The following RTN4IP1 variants were observed in gnomAD, a reference collection of about 807,000 sequenced individuals.
The protein encoded by RTN4IP1 is NAD(P)H oxidoreductase RTN4IP1, mitochondrial.
In RTN4IP1, 32 loss-of-function variants were observed where a neutral mutation model predicts 46.6. That is an observed-to-expected ratio of 0.69 (90% CI 0.52 to 0.92). The LOEUF (loss-of-function observed/expected upper bound fraction) is 0.92. Among genes scored for constraint, RTN4IP1 ranks in the 40% least tolerant of loss-of-function variants. The pLI is 0.00. For missense variants in RTN4IP1, 424 were observed against 485.8 expected (o/e 0.87, Z 1.20); for synonymous variants, 167 against 161.8 (o/e 1.03, Z -0.24).
At chr6:106,588,028 G>T (rs1294028310) in intron 6 of RTN4IP1, among the ~76,000 whole-genome samples, 166 bp from the exon 7 acceptor site, 2 of 152,206 alleles carry the variant, frequency 1.3e-5, no homozygotes, top group East Asian at 1.9e-4. Context: ...GATGGAGATG[G>T]AAGGACATAC....
chr6:106,622,666 T>C (rs1301061385), intron 2 of RTN4IP1, 152 bp downstream of exon 2: 1 of 733,188 alleles, frequency 1.4e-6, no homozygotes, highest in Non-Finnish European at 2.2e-6. Flanking sequence ...ACTTTGTCAG[T>C]TTAGGGGGCA....
chr6:106,591,125 ATTCTTT>A (rs1398235948), intron 6 of RTN4IP1, among the ~76,000 whole-genome samples: 1 of 152,228 alleles, frequency 6.6e-6, no homozygotes, highest in African/African-American at 2.4e-5. Flanking sequence ...TCAGTGAGGC[ATTCTTT>A]AACCTTGCTA....
intron 5 of RTN4IP1, among the ~76,000 whole-genome samples, chr6:106,594,445 G>A (rs979086137): frequency 2.0e-5 from 3 of 152,090 alleles, no homozygotes; most frequent in South Asian, 2.1e-4. Flanking sequence ...CGGGGGTGGA[G>A]GTTGCAGTAA....
chr6:106,613,196 G>A (rs140739225), intron 4 of RTN4IP1, among the ~76,000 whole-genome samples: 2 of 151,920 alleles, frequency 1.3e-5, no homozygotes, highest in African/African-American at 4.8e-5. Flanking sequence ...ATACTTGTTT[G>A]GGGTTTAGTG....
At chr6:106,629,641 C>G (rs761223504), upstream of RTN4IP1, 13 of 1,585,976 alleles carry the variant, frequency 8.2e-6, no homozygotes, top group South Asian at 2.3e-5. Context: ...TCTTTTTCCC[C>G]CTTGCCTGGC....
At chr6:106,582,671 G>A (rs564297584) in intron 8 of RTN4IP1, among the ~76,000 whole-genome samples, 1 of 152,272 alleles carries the variant, frequency 6.6e-6, no homozygotes, top group East Asian at 1.9e-4. Context: ...GAGATGGGAT[G>A]TCAAGGTGGT....
In RTN4IP1 at chr6:106,623,769, AT is replaced by A. The variant is rs1390836588; in HGVS notation, c.275-801del. Among the ~76,000 whole-genome samples the A allele has an allele frequency of 5.9e-5, 9 of 152,340 alleles. No individual in the cohort carries two copies. The East Asian group carries it at 1.7e-3, about 29-fold the overall frequency. On this transcript the variant is annotated intron_variant, in intron 1 of 8. Coordinates refer to ENST00000369063, the MANE Select transcript of RTN4IP1 (RefSeq NM_032730.5). ...TTGAAGATGATGTCTTTATTAACGT[AT>A]TCATGTCTTTATTAACGTACTCATT...
upstream of RTN4IP1, chr6:106,629,853 T>C: frequency 3.1e-6 from 3 of 972,006 alleles, no homozygotes; most frequent in Non-Finnish European, 4.6e-6. Context: ...CTTTCGATTC[T>C]TCGGGTGTAC....
intron 8 of RTN4IP1, among the ~76,000 whole-genome samples, chr6:106,577,447 CAAAAAAA>C (rs58921891): frequency 4.9e-4 from 27 of 55,410 alleles, no homozygotes; most frequent in Middle Eastern, 0.016. Flanking sequence ...GACCCTGTCT[CAAAAAAA>C]AAAAAAAAAA....
At chr6:106,573,028 T>C (rs1252998835) in intron 8 of RTN4IP1, among the ~76,000 whole-genome samples, 3 of 152,216 alleles carry the variant, frequency 2.0e-5, no homozygotes, top group Admixed American at 1.3e-4. Context: ...GGAGCTGCCC[T>C]GGCAGGCTTT....
At chr6:106,588,155 A>G (rs1464718814) in intron 6 of RTN4IP1, among the ~76,000 whole-genome samples, 2 of 152,208 alleles carry the variant, frequency 1.3e-5, no homozygotes, top group African/African-American at 4.8e-5. Context: ...TTCTGAAAAG[A>G]GAGTGGTTTT....
At chr6:106,609,947 T>C (rs1445762921) in intron 4 of RTN4IP1, among the ~76,000 whole-genome samples, 1 of 152,246 alleles carries the variant, frequency 6.6e-6, no homozygotes, top group Non-Finnish European at 1.5e-5. Flanking sequence ...AATGAAGCGC[T>C]GTTAGCTTGT....
Position 106,601,222 on chromosome 6 carries a change from G to A in RTN4IP1, c.669+1652C>T, listed in dbSNP as rs192834973. On this transcript the variant is annotated intron_variant, in intron 5 of 8. Transcript: ENST00000369063. ...TACTGGCCACTTGTATATATTCTTCGGAGAAATGTCAATTCAAGTTCTTTG... is the reference window on the plus strand; with the variant it reads ...TACTGGCCACTTGTATATATTCTTCAGAGAAATGTCAATTCAAGTTCTTTG... Among the ~76,000 whole-genome samples the A allele has an allele frequency of 1.9e-3, 287 of 152,048 alleles. 1 individual carries two copies. Among genetic ancestry groups the A allele is most frequent in the Admixed American group, 5.7e-3 (87 of 15,272 alleles).
At chr6:106,591,974 T>A (rs1179300511) in intron 6 of RTN4IP1, among the ~76,000 whole-genome samples, 190 bp downstream of exon 6, 1 of 152,148 alleles carries the variant, frequency 6.6e-6, no homozygotes, top group Admixed American at 6.5e-5. Context: ...ATCCACATGC[T>A]GTTACTGTGT....
intron 8 of RTN4IP1, among the ~76,000 whole-genome samples, chr6:106,573,682 C>T (rs1468743204): frequency 6.6e-6 from 1 of 152,224 alleles, no homozygotes; most frequent in Non-Finnish European, 1.5e-5. Context: ...CCCTATGTCA[C>T]ACTTCTGATA....
intron 5 of RTN4IP1, among the ~76,000 whole-genome samples, chr6:106,596,726 T>C (rs1477178110): frequency 1.3e-5 from 2 of 152,216 alleles, no homozygotes; most frequent in Non-Finnish European, 2.9e-5. Context: ...AATGTCTTCA[T>C]AGTCATTCCT....
intron 4 of RTN4IP1, among the ~76,000 whole-genome samples, chr6:106,615,848 C>T (rs1400179273): frequency 1.3e-5 from 2 of 152,070 alleles, no homozygotes; most frequent in Admixed American, 6.5e-5. Flanking sequence ...CTATGTGTTC[C>T]TACTGAACAA....
chr6:106,629,116 G>A lies in RTN4IP1; in HGVS notation c.-95C>T. 8.1e-7 allele frequency: 1 copy of A among 1,241,928 alleles called. No homozygotes were observed. Among genetic ancestry groups the A allele is most frequent in the South Asian group, 1.5e-5 (1 of 68,654 alleles). 76.9% of individuals were successfully genotyped at this position (1,241,928 alleles called of 1,614,324 possible). A position where few individuals can be genotyped will look rare whatever the true frequency, so the allele number is the denominator to read the frequency against. ...ATTCAGTCAAATTCTGCCAAACCAC[G>A]GGCTAGTTTCAAAATTAAGCATGCA... On this transcript the variant is annotated 5_prime_UTR_variant, in exon 1 of 9. Coordinates refer to ENST00000369063, the MANE Select transcript of RTN4IP1 (RefSeq NM_032730.5).
intron 8 of RTN4IP1, among the ~76,000 whole-genome samples, chr6:106,580,138 C>G (rs568369529): frequency 6.1e-5 from 9 of 146,860 alleles, no homozygotes; most frequent in African/African-American, 2.3e-4. Flanking sequence ...GGTGTGAACC[C>G]GGGAGGCGGA....
Sources: gnomAD v4.1 joint callset for allele counts (sites outside exome capture counted in the v4.1 genomes callset) on GRCh38, gnomAD v4.1.1 for gene constraint, MANE v1.5 for transcripts, NCBI Gene and HGNC (gene_info 2026-07-23, HGNC 2026-07-21) for gene names.